Variants in STPG2 observed in about 807,000 individuals in gnomAD.
STPG2 encodes sperm tail PG-rich repeat containing 2.
A neutral mutation model predicts 54.2 loss-of-function variants in STPG2; 56 were observed. The ratio of observed to expected loss-of-function variants is 1.03; its 90% CI spans 0.83 to 1.29. STPG2 has a LOEUF of 1.29. Among genes scored for constraint, STPG2 ranks in the 50% most tolerant of loss-of-function variants. The probability of loss-of-function intolerance (pLI) is 0.00; values close to 1 mark genes in which losing one functional copy is unlikely to be tolerated. For synonymous variants in STPG2, 200 were observed against 181.8 expected, an observed-to-expected ratio of 1.10 and a Z score of -0.81; for missense variants, 596 against 544.9, an observed-to-expected ratio of 1.09 and a Z score of -0.93.
intron 8 of STPG2, among the ~76,000 whole-genome samples, chr4:97,857,975 G>T (rs1413531904): frequency 6.6e-6 from 1 of 151,812 alleles, no homozygotes; most frequent in East Asian, 1.9e-4. Flanking sequence ...TTGAAGAAAA[G>T]CTACGTGAAA....
At chr4:97,716,555 T>C (rs1175334773) in intron 9 of STPG2, among the ~76,000 whole-genome samples, 2 of 151,932 alleles carry the variant, frequency 1.3e-5, no homozygotes, top group African/African-American at 4.8e-5. Flanking sequence ...TGCAGGGACA[T>C]GGATGAAGCT....
chr4:98,127,085 T>C (rs1395019114), intron 3 of STPG2, among the ~76,000 whole-genome samples: 1 of 151,828 alleles, frequency 6.6e-6, no homozygotes, highest in Non-Finnish European at 1.5e-5. Context: ...TTTAAAATCA[T>C]AAAACAATAT....
intron 8 of STPG2, among the ~76,000 whole-genome samples, chr4:97,936,611 T>C (rs1325483697): frequency 6.6e-6 from 1 of 152,000 alleles, no homozygotes; most frequent in Non-Finnish European, 1.5e-5. Flanking sequence ...TGTCTGAAAA[T>C]GATTTTATTT....
chr4:98,015,108 A>T (rs530008289), intron 5 of STPG2, among the ~76,000 whole-genome samples: 1 of 152,314 alleles, frequency 6.6e-6, no homozygotes, highest in African/African-American at 2.4e-5. Flanking sequence ...AAAACCCAAG[A>T]AGAAAACCTA....
intron 8 of STPG2, among the ~76,000 whole-genome samples, chr4:97,881,814 T>C (rs557620111): frequency 6.6e-6 from 1 of 152,136 alleles, no homozygotes; most frequent in African/African-American, 2.4e-5. Flanking sequence ...TAGTACTCCA[T>C]CACAATCTCC....
rs112519236 is a variant in STPG2 at position 97,560,424 on chromosome 4, T to C, written c.1321-1307A>G. Among the ~76,000 whole-genome samples, 793 of 152,210 alleles carry C rather than the reference T, an allele frequency of 5.2e-3. 6 individuals carry two copies. Among genetic ancestry groups the C allele is most frequent in the Middle Eastern group, 0.02 (6 of 294 alleles). On this transcript the variant is annotated intron_variant, in intron 10 of 10. Transcript: ENST00000295268. ...GCAAATAAATCTCATTTGAAGAACA[T>C]GACTGTTTAATGAGACTCCATGCCC...
chr4:97,645,211 A>C (rs891355839), intron 10 of STPG2, among the ~76,000 whole-genome samples: 1 of 151,176 alleles, frequency 6.6e-6, no homozygotes, highest in Non-Finnish European at 1.5e-5. Flanking sequence ...TGTTTTTTAT[A>C]GCTACAGTTT....
intron 10 of STPG2, among the ~76,000 whole-genome samples, chr4:97,595,090 T>A (rs900225566): frequency 6.6e-6 from 1 of 152,172 alleles, no homozygotes; most frequent in Non-Finnish European, 1.5e-5. Context: ...CTCAGCAATC[T>A]CATTACTGGG....
At chr4:97,669,418 G>A (rs932274417) in intron 10 of STPG2, among the ~76,000 whole-genome samples, 1 of 152,206 alleles carries the variant, frequency 6.6e-6, no homozygotes, top group African/African-American at 2.4e-5. Context: ...AAGAAAACCA[G>A]TAATGTACTG....
intron 7 of STPG2, among the ~76,000 whole-genome samples, chr4:97,949,553 T>C (rs989109039): frequency 3.3e-5 from 5 of 152,314 alleles, no homozygotes; most frequent in Middle Eastern, 3.4e-3. Context: ...TAATGGGCTT[T>C]TGTTTCAAGA....
intron 7 of STPG2, among the ~76,000 whole-genome samples, chr4:97,956,104 CTTAAAAT>C (rs1733661873): frequency 6.6e-6 from 1 of 151,166 alleles, no homozygotes; most frequent in Non-Finnish European, 1.5e-5. Flanking sequence ...ATTCAAAAAA[CTTAAAAT>C]ATGTAGATTT....
chr4:97,536,756 C>T (rs1017159490), intron 4 of STPG2, among the ~76,000 whole-genome samples: 10 of 152,122 alleles, frequency 6.6e-5, no homozygotes, highest in Admixed American at 4.6e-4. Flanking sequence ...TGGCTTGGCC[C>T]TTCACAGCCA....
At chr4:97,563,573 T>A (rs1404730784) in intron 10 of STPG2, among the ~76,000 whole-genome samples, 1 of 152,234 alleles carries the variant, frequency 6.6e-6, no homozygotes, top group Non-Finnish European at 1.5e-5. Context: ...CTTGTGGGCA[T>A]TTAGTGCTAT....
chr4:97,733,858 G>A (rs1046863799), intron 9 of STPG2, among the ~76,000 whole-genome samples: 5 of 152,096 alleles, frequency 3.3e-5, no homozygotes, highest in South Asian at 2.1e-4. Flanking sequence ...CGGTTTACTC[G>A]ATATTTTGGT....
At chr4:97,692,298 G>GAAAAAAA (rs70953082) in intron 10 of STPG2, among the ~76,000 whole-genome samples, 2 of 90,582 alleles carry the variant, frequency 2.2e-5, no homozygotes, top group Non-Finnish European at 2.2e-5. Flanking sequence ...TACAGGATAT[G>GAAAAAAA]AAAAAAAAAA....
intron 10 of STPG2, among the ~76,000 whole-genome samples, chr4:97,560,558 A>G (rs1399894629): frequency 1.3e-5 from 2 of 152,148 alleles, no homozygotes; most frequent in Non-Finnish European, 2.9e-5. Flanking sequence ...TTAACACTGG[A>G]TTGAAGGAGA....
At chr4:97,466,121 T>TA in intron 4 of STPG2, among the ~76,000 whole-genome samples, 1 of 152,160 alleles carries the variant, frequency 6.6e-6, no homozygotes, top group Middle Eastern at 3.4e-3. Context: ...CAAAAGGTAA[T>TA]AAAAAAGCAT....
chr4:97,953,287 C>G (rs957602835), intron 7 of STPG2, among the ~76,000 whole-genome samples: 1 of 152,106 alleles, frequency 6.6e-6, no homozygotes, highest in Non-Finnish European at 1.5e-5. Context: ...GGCAGTAAAC[C>G]CCGTCCAGCT....
At chr4:98,082,544 C>G (rs1738380569) in intron 5 of STPG2, among the ~76,000 whole-genome samples, 1 of 142,514 alleles carries the variant, frequency 7.0e-6, no homozygotes, top group African/African-American at 2.6e-5. Context: ...CTCTGCCTCC[C>G]GGGTTCACGC....
Sources: allele counts gnomAD v4.1 joint callset (sites outside exome capture counted in the v4.1 genomes callset), GRCh38; gene constraint gnomAD v4.1.1; transcripts MANE v1.5; gene names NCBI Gene and HGNC (gene_info 2026-07-23, HGNC 2026-07-21).